DLC1: variants seen among roughly 807,000 people sequenced by gnomAD.
DLC1 encodes DLC1 Rho GTPase activating protein.
A neutral mutation model predicts 140.3 loss-of-function variants in DLC1; 54 were observed. That is an observed-to-expected ratio of 0.38 (90% confidence interval 0.31 to 0.48). The LOEUF is 0.48. Ranked by LOEUF, DLC1 falls within the 20% of genes least tolerant of loss-of-function variation. DLC1 has a pLI of 0.96. For missense variants in DLC1, 2,536 were observed against 1,907.0 expected, an observed-to-expected ratio of 1.33 and a Z score of -6.14; for synonymous variants, 986 against 728.1, an observed-to-expected ratio of 1.35 and a Z score of -5.70.
At chr8:13,206,708 G>A (rs10096728) in intron 5 of DLC1, among the ~76,000 whole-genome samples, 17,425 of 151,882 alleles carry the variant, frequency 0.11, 2,830 homozygotes, top group African/African-American at 0.36. Flanking sequence ...ATATTCTAAT[G>A]TTTTCATTAA....
At chr8:13,523,255 C>G (rs556721637) in intron 1 of DLC1, among the ~76,000 whole-genome samples, 9 of 152,160 alleles carry the variant, frequency 5.9e-5, no homozygotes, top group African/African-American at 2.2e-4. Context: ...AGATTTGAAG[C>G]TGTTGTTGTG....
intron 5 of DLC1, among the ~76,000 whole-genome samples, chr8:13,147,501 T>C (rs1378030819): frequency 3.3e-5 from 5 of 152,196 alleles, no homozygotes; most frequent in Non-Finnish European, 7.3e-5. Flanking sequence ...ATACTGACCA[T>C]GTGAATCTGC....
At chr8:13,095,035 C>T (rs150340424) in intron 11 of DLC1, 51 bp downstream of exon 11, 4 of 1,613,422 alleles carry the variant, frequency 2.5e-6, no homozygotes, top group Non-Finnish European at 3.4e-6. Flanking sequence ...GAAGAAGCTG[C>T]ATGTAATCCG....
intron 4 of DLC1, among the ~76,000 whole-genome samples, chr8:13,310,728 A>G (rs1284938302): frequency 6.6e-6 from 1 of 152,238 alleles, no homozygotes; most frequent in Non-Finnish European, 1.5e-5. Flanking sequence ...TGAACAAAGG[A>G]TTTTATTGAA....
intron 1 of DLC1, among the ~76,000 whole-genome samples, chr8:13,544,197 A>ACACACAC (rs61518550): frequency 6.9e-6 from 1 of 144,772 alleles, no homozygotes; most frequent in African/African-American, 2.6e-5. Flanking sequence ...CACACACACA[A>ACACACAC]ACACACACAC....
chr8:13,379,800 G>T (rs1836170454), intron 4 of DLC1, among the ~76,000 whole-genome samples: 1 of 152,128 alleles, frequency 6.6e-6, no homozygotes, highest in Non-Finnish European at 1.5e-5. Context: ...ACTTACCATA[G>T]AATACTATGC....
rs578152426 is a variant in DLC1 at position 13,575,698 on chromosome 8, T to C, written c.-126+28839A>G. ...ATTAAATTTTAGCTTCAGTGTACCA[T>C]AATAGTGCTCTCTCAGGCCTGTCAC... On this transcript the variant is annotated intron_variant, in intron 1 of 1. Coordinates refer to the DLC1 transcript ENST00000631382. Among the ~76,000 whole-genome samples the C allele has an allele frequency of 1.2e-4, 19 of 152,324 alleles. No individual in the cohort carries two copies. In the South Asian group the frequency reaches 3.9e-3, roughly 32 times the overall value.
intron 1 of DLC1, among the ~76,000 whole-genome samples, chr8:13,538,448 C>T (rs1803369689): frequency 6.6e-6 from 1 of 151,720 alleles, no homozygotes; most frequent in Non-Finnish European, 1.5e-5. Context: ...AACAGCTGTG[C>T]GCTCCTCCTA....
At chr8:13,198,015 A>T (rs1000987179) in intron 5 of DLC1, among the ~76,000 whole-genome samples, 1 of 152,098 alleles carries the variant, frequency 6.6e-6, no homozygotes, top group African/African-American at 2.4e-5. Context: ...GGAAGGCAGA[A>T]ACCGGCTGAT....
intron 2 of DLC1, among the ~76,000 whole-genome samples, chr8:13,411,443 T>C (rs1837776090): frequency 6.6e-6 from 1 of 152,202 alleles, no homozygotes; most frequent in African/African-American, 2.4e-5. Context: ...AGTGAAACTA[T>C]TCTGAATGAT....
At chr8:13,534,979 G>C (rs1803224973) in intron 1 of DLC1, among the ~76,000 whole-genome samples, 1 of 152,092 alleles carries the variant, frequency 6.6e-6, no homozygotes, top group Non-Finnish European at 1.5e-5. Flanking sequence ...CTGAGGTATA[G>C]GAGAATCCTT....
rs184063461 is a variant in DLC1, at chr8:13,417,623, G to C, written c.1024-16004C>G. Among the ~76,000 whole-genome samples, 271 of 152,084 alleles carry C rather than the reference G, an allele frequency of 1.8e-3. 2 individuals carry two copies. Among genetic ancestry groups the C allele is most frequent in the Non-Finnish European group, 1.9e-3 (128 of 68,010 alleles). The stretch of plus-strand genomic sequence containing the variant: ...TCCAGTCTATGATTGTTGGACATTT[G>C]TGTTGGTTCCAAGTCTTTGCTATTG... On this transcript the variant is annotated intron_variant, in intron 2 of 17. Transcript: ENST00000276297.
Position 13,411,525 on chromosome 8 carries a change from C to G in DLC1, c.1024-9906G>C, listed in dbSNP as rs544195667. Among the ~76,000 whole-genome samples the G allele has an allele frequency of 1.8e-3, 280 of 152,246 alleles. 1 individual carries two copies. Among genetic ancestry groups the G allele is most frequent in the Non-Finnish European group, 3.5e-3 (238 of 68,016 alleles). ...GAATGTACAACACCAATAGTAGACACTGATGTAAACTATGAACTTTGAGTG... is the reference window on the plus strand; with the variant it reads ...GAATGTACAACACCAATAGTAGACAGTGATGTAAACTATGAACTTTGAGTG... On this transcript the variant is annotated intron_variant, in intron 2 of 17. Transcript: ENST00000276297.
At chr8:13,100,868 A>C in intron 8 of DLC1, 98 bp from the exon 9 acceptor site, 1 of 1,284,630 alleles carries the variant, frequency 7.8e-7, no homozygotes, top group Non-Finnish European at 1.0e-6. Flanking sequence ...CAGTAGTATC[A>C]ATTTCCCCCT....
rs58038503 is a variant in DLC1 at position 13,413,256 on chromosome 8, A to ATTTTTTTTTT, written c.1024-11647_1024-11638dup. Among the ~76,000 whole-genome samples the ATTTTTTTTTT allele has an allele frequency of 2.9e-3, 235 of 81,988 alleles. 31 individuals carry two copies. The highest frequency in any genetic ancestry group is 0.011 in the African/African-American group (222 of 19,848). The allele number at this position is 81,988 out of a possible 152,430, so 53.8% of individuals were successfully genotyped here. A position where few individuals can be genotyped will look rare whatever the true frequency, so the allele number is the denominator to read the frequency against. The stretch of plus-strand genomic sequence containing the variant: ...TAAAACATTATGAGATTTTTTTGCG[A>ATTTTTTTTTT]TTTTTTTTTTTTTTTTTTTTTAGCT... On this transcript the variant is annotated intron_variant, in intron 2 of 17. Coordinates refer to ENST00000276297, the MANE Select transcript of DLC1 (RefSeq NM_182643.3).
chr8:13,089,431 C>A (rs1321710118), intron 15 of DLC1, among the ~76,000 whole-genome samples: 1 of 151,826 alleles, frequency 6.6e-6, no homozygotes, highest in African/African-American at 2.4e-5. Flanking sequence ...TCGAGACCAG[C>A]CTGGCCAATA....
At chr8:13,424,050 C>T (rs150069904) in intron 2 of DLC1, among the ~76,000 whole-genome samples, 4 of 152,134 alleles carry the variant, frequency 2.6e-5, no homozygotes, top group Non-Finnish European at 5.9e-5. Context: ...TGTCTTTATT[C>T]TATTTAATGG....
At chr8:13,339,280 C>A (rs780934322) in intron 4 of DLC1, among the ~76,000 whole-genome samples, 2 of 152,134 alleles carry the variant, frequency 1.3e-5, no homozygotes, top group Non-Finnish European at 2.9e-5. Context: ...GGACAAGGCA[C>A]AATATGTGAT....
At chr8:13,351,326 A>G (rs1834652784) in intron 4 of DLC1, among the ~76,000 whole-genome samples, 1 of 152,224 alleles carries the variant, frequency 6.6e-6, no homozygotes, top group African/African-American at 2.4e-5. Context: ...AATGTCACAA[A>G]CTAGGAAACA....
Sources: gnomAD v4.1 joint callset for allele counts (sites outside exome capture counted in the v4.1 genomes callset) on GRCh38, gnomAD v4.1.1 for gene constraint, MANE v1.5 for transcripts, NCBI Gene and HGNC (gene_info 2026-07-23, HGNC 2026-07-21) for gene names.